TLN2: variants seen among roughly 807,000 people sequenced by gnomAD.
TLN2 encodes the protein talin 2.
A neutral mutation model predicts 294.7 loss-of-function variants in TLN2; 118 were observed. That is an observed-to-expected ratio of 0.40 (90% CI 0.34 to 0.47). The LOEUF is 0.47. Ranked by LOEUF, TLN2 falls within the 20% of genes least tolerant of loss-of-function variation. TLN2 has a pLI of 0.84. For missense variants in TLN2, 3,083 were observed against 3,282.2 expected, an observed-to-expected ratio of 0.94 and a Z score of 1.48; for synonymous variants, 1,431 against 1,304.5, an observed-to-expected ratio of 1.10 and a Z score of -2.09.
chr15:62,420,170 G>A (rs2034309331), intron 1 of TLN2, among the ~76,000 whole-genome samples: 1 of 152,168 alleles, frequency 6.6e-6, no homozygotes, highest in Admixed American at 6.5e-5. Context: ...AGAATTTAAT[G>A]TATTCATAGT....
chr15:62,673,814 G>A lies in TLN2; in HGVS notation c.789-13G>A. The A allele has an allele frequency of 6.2e-7, 1 of 1,606,580 alleles. No individual in the cohort carries two copies. Among genetic ancestry groups the A allele is most frequent in the Non-Finnish European group, 8.5e-7 (1 of 1,175,384 alleles). ...TGATAAATGCCTTTCCTTTTTAAAT[G>A]TCTCTCTCTTAGTCTGAAGGAATTC... On this transcript the variant is annotated splice_polypyrimidine_tract_variant and intron_variant, in intron 9 of 58. Coordinates refer to ENST00000636159, the MANE Select transcript of TLN2 (RefSeq NM_015059.3).
rs183541821 is a variant in TLN2 at position 62,461,136 on chromosome 15, G to T, written c.-238+70451G>T. 1.7e-4 allele frequency among the ~76,000 whole-genome samples: 26 copies of T among 152,178 alleles called. No individual in the cohort carries two copies. In the East Asian group the frequency reaches 3.1e-3, roughly 18 times the overall value. On this transcript the variant is annotated intron_variant, in intron 1 of 58. Coordinates refer to ENST00000636159, the MANE Select transcript of TLN2 (RefSeq NM_015059.3). ...GCTAATTTTTGTATTTTTTAGTAGAGACGGGGTTTCACCATATTGGCCAGG... is the reference window on the plus strand; with the variant it reads ...GCTAATTTTTGTATTTTTTAGTAGATACGGGGTTTCACCATATTGGCCAGG...
At chr15:62,666,239 G>A (rs1276343252) in intron 9 of TLN2, among the ~76,000 whole-genome samples, 4 of 152,184 alleles carry the variant, frequency 2.6e-5, no homozygotes, top group Admixed American at 6.5e-5. Context: ...GCTGTGGTTT[G>A]AATGTGTTCT....
At chr15:62,495,358 A>G (rs1374664616) in intron 1 of TLN2, among the ~76,000 whole-genome samples, 1 of 152,164 alleles carries the variant, frequency 6.6e-6, no homozygotes. Context: ...CCCCAGAGAG[A>G]ATGCCACTAG....
chr15:62,713,778 C>T (rs928660064), intron 22 of TLN2, among the ~76,000 whole-genome samples: 1 of 151,956 alleles, frequency 6.6e-6, no homozygotes, highest in Non-Finnish European at 1.5e-5. Flanking sequence ...TTCTTAGAGA[C>T]ACCTCGTGGG....
At position 62,835,818 on chromosome 15, in the gene TLN2, C is replaced by T. The variant is rs1381019490; in HGVS notation, c.7191+19C>T. ...TTCTGCTGTGAGTTGCCTTCTCCTT[C>T]CTCCCAGTTTGCTTTTGGGGTCCCC... On this transcript the variant is annotated intron_variant, in intron 56 of 58. Coordinates refer to ENST00000636159, the MANE Select transcript of TLN2 (RefSeq NM_015059.3). 1 of 1,614,178 alleles carries T rather than the reference C, an allele frequency of 6.2e-7. No individual in the cohort carries two copies. The highest frequency in any genetic ancestry group is 8.5e-7 in the Non-Finnish European group (1 of 1,180,016).
intron 52 of TLN2, among the ~76,000 whole-genome samples, chr15:62,815,177 TCACA>T (rs3055852): frequency 0.14 from 20,331 of 140,404 alleles, 1,560 homozygotes; most frequent in Non-Finnish European, 0.18. Context: ...ATTCTGTCTG[TCACA>T]CACACACACA....
At chr15:62,606,219 C>G (rs2047426554) in intron 2 of TLN2, among the ~76,000 whole-genome samples, 1 of 151,080 alleles carries the variant, frequency 6.6e-6, no homozygotes, top group African/African-American at 2.4e-5. Context: ...GCAGCTGGGA[C>G]TATAGGCACC....
At chr15:62,435,581 A>T (rs562948162) in intron 1 of TLN2, among the ~76,000 whole-genome samples, 1 of 152,126 alleles carries the variant, frequency 6.6e-6, no homozygotes, top group South Asian at 2.1e-4. Flanking sequence ...TGCTCTTGTC[A>T]CCCAGGCTGG....
intron 52 of TLN2, among the ~76,000 whole-genome samples, chr15:62,812,184 TTC>T (rs1471692686): frequency 6.6e-6 from 1 of 152,172 alleles, no homozygotes; most frequent in Admixed American, 6.5e-5. Context: ...TCCTTATTTT[TTC>T]TCTCTCGTGC....
intron 37 of TLN2, among the ~76,000 whole-genome samples, chr15:62,757,668 C>T (rs1050427571): frequency 2.0e-5 from 3 of 152,090 alleles, no homozygotes; most frequent in Admixed American, 6.5e-5. Flanking sequence ...AATGAGCTCT[C>T]GTGATGGCCT....
At chr15:62,397,046 G>A (rs540087013) in intron 1 of TLN2, among the ~76,000 whole-genome samples, 1 of 152,046 alleles carries the variant, frequency 6.6e-6, no homozygotes, top group African/African-American at 2.4e-5. Context: ...CCTCAAACTT[G>A]GTTTTCCTAA....
At chr15:62,826,146 G>C (rs1338803322) in intron 54 of TLN2, among the ~76,000 whole-genome samples, 1 of 151,718 alleles carries the variant, frequency 6.6e-6, no homozygotes, top group Non-Finnish European at 1.5e-5. Flanking sequence ...GAGTTTATCT[G>C]ATACAGCTTG....
At chr15:62,648,667 C>G (rs935264111) in intron 4 of TLN2, among the ~76,000 whole-genome samples, 15 of 151,244 alleles carry the variant, frequency 9.9e-5, no homozygotes, top group Admixed American at 2.6e-4. Context: ...CCTGCCTCAG[C>G]CTCCCAAGTA....
chr15:62,499,580 C>A (rs1314879041), intron 1 of TLN2, among the ~76,000 whole-genome samples: 1 of 152,264 alleles, frequency 6.6e-6, no homozygotes, highest in African/African-American at 2.4e-5. Flanking sequence ...CCCCACTTTA[C>A]CAGTCCTTAA....
chr15:62,790,789 G>A (rs981481404), intron 45 of TLN2, among the ~76,000 whole-genome samples: 5 of 152,156 alleles, frequency 3.3e-5, no homozygotes, highest in East Asian at 1.9e-4. Context: ...AACATGTCCC[G>A]CAAACACATA....
At chr15:62,737,112 G>C (rs371267673) in intron 29 of TLN2, 26 bp downstream of exon 29, 6 of 1,612,054 alleles carry the variant, frequency 3.7e-6, no homozygotes, top group Non-Finnish European at 4.2e-6. Flanking sequence ...AGAAATTGTG[G>C]TTGTCATGGT....
chr15:62,675,942 G>A (rs1596643116), intron 11 of TLN2, among the ~76,000 whole-genome samples: 1 of 152,122 alleles, frequency 6.6e-6, no homozygotes, highest in Non-Finnish European at 1.5e-5. Context: ...AAAGTGATAC[G>A]CTGTTTAGTT....
intron 46 of TLN2, among the ~76,000 whole-genome samples, chr15:62,794,798 C>T (rs530580652): frequency 2.0e-5 from 3 of 152,292 alleles, no homozygotes; most frequent in Admixed American, 1.3e-4. Context: ...CTCAGCAGCA[C>T]GGGGGACAGA....
Sources: allele counts gnomAD v4.1 joint callset (sites outside exome capture counted in the v4.1 genomes callset), GRCh38; gene constraint gnomAD v4.1.1; transcripts MANE v1.5; gene names NCBI Gene and HGNC (gene_info 2026-07-23, HGNC 2026-07-21).